Variants in BAALC observed in about 807,000 individuals in gnomAD.
BAALC encodes the protein brain and acute leukemia cytoplasmic protein.
Under a neutral mutation model 15.5 loss-of-function variants are expected in BAALC, and 9 were observed. The observed-to-expected ratio is 0.58, with a 90% CI of 0.35 to 1.02. The LOEUF is 1.02. BAALC is among the 50% of genes least tolerant of loss of function. BAALC has a pLI of 0.02. For synonymous variants in BAALC, 80 were observed against 74.6 expected (o/e 1.07, Z -0.37); for missense variants, 201 against 192.4 (o/e 1.04, Z -0.27).
At chr8:103,223,755 AGAGCTTTG>A (rs1406850940) in intron 2 of BAALC, among the ~76,000 whole-genome samples, 1 of 152,238 alleles carries the variant, frequency 6.6e-6, no homozygotes, top group Non-Finnish European at 1.5e-5. Flanking sequence ...ACTGAAATAA[AGAGCTTTG>A]TATCATCTGT....
At chr8:103,163,320 T>G (rs1323985194) in intron 1 of BAALC, among the ~76,000 whole-genome samples, 3 of 152,162 alleles carry the variant, frequency 2.0e-5, no homozygotes, top group Non-Finnish European at 4.4e-5. Flanking sequence ...ACTCACCTGC[T>G]GCTGACGTTA....
intron 1 of BAALC, among the ~76,000 whole-genome samples, chr8:103,191,728 T>C (rs1811971910): frequency 6.6e-6 from 1 of 151,996 alleles, no homozygotes; most frequent in Non-Finnish European, 1.5e-5. Context: ...TCCATAAATA[T>C]CAAGAACAGG....
Position 103,140,957 on chromosome 8 carries a change from C to A in BAALC, c.60C>A (p.Thr20=), listed in dbSNP as rs1810756504. The A allele has an allele frequency of 6.5e-7, 1 of 1,541,662 alleles. No individual in the cohort carries two copies. Residue 20 remains threonine (T), a synonymous_variant, in exon 1 of 3, where the codon ACC becomes ACA. Coordinates refer to ENST00000309982, the MANE Select transcript of BAALC (RefSeq NM_024812.3). The surrounding 1 kb of genome is among the most constrained non-coding windows in gnomAD (Gnocchi z 4.2). ...AGCCCCGCTACTACGAGAGCTGGAC[C>A]CGGGAGACAGAATCCACCTGGCTCA... The part of the protein sequence containing the change: ...AIEPRYYESW[T]RETESTWLTY...
chr8:103,170,284 A>T (rs1811450956), intron 1 of BAALC, among the ~76,000 whole-genome samples: 1 of 151,048 alleles, frequency 6.6e-6, no homozygotes, highest in Non-Finnish European at 1.5e-5. Context: ...AATGGACTTC[A>T]TGGTTCTGTT....
chr8:103,195,577 C>T (rs368383692), intron 1 of BAALC, among the ~76,000 whole-genome samples: 9 of 152,176 alleles, frequency 5.9e-5, no homozygotes, highest in Admixed American at 3.3e-4. Context: ...GAGTGGCTGG[C>T]ACCCTATGAC....
chr8:103,207,879 G>T (rs1205227123), intron 1 of BAALC, among the ~76,000 whole-genome samples: 2 of 152,204 alleles, frequency 1.3e-5, no homozygotes, highest in Non-Finnish European at 2.9e-5. Context: ...TAGAAAATAT[G>T]AGTTAAATAA....
At chr8:103,141,119 C>G (rs1810764944) in intron 1 of BAALC, 62 bp downstream of exon 1, 4 of 1,375,492 alleles carry the variant, frequency 2.9e-6, no homozygotes, top group Non-Finnish European at 3.8e-6. Flanking sequence ...TTGGCCCGGG[C>G]ACTGAGAGAG....
Position 103,186,954 on chromosome 8 carries a change from T to A in BAALC, c.161-25965T>A, listed in dbSNP as rs570082344. Among the ~76,000 whole-genome samples the A allele has an allele frequency of 7.2e-5, 11 of 152,364 alleles. No homozygotes were observed. The East Asian group carries it at 2.1e-3, about 29-fold the overall frequency. On this transcript the variant is annotated intron_variant, in intron 1 of 2. Transcript: ENST00000309982. ...CTCAGAGAGCTATTTCACTGTTTCATGCCACTACTTGTTCTCTCAGGACCT... is the reference window on the plus strand; with the variant it reads ...CTCAGAGAGCTATTTCACTGTTTCAAGCCACTACTTGTTCTCTCAGGACCT...
intron 1 of BAALC, among the ~76,000 whole-genome samples, chr8:103,150,158 G>T (rs1387517503): frequency 6.6e-6 from 1 of 152,034 alleles, no homozygotes; most frequent in Non-Finnish European, 1.5e-5. Flanking sequence ...AAAACCATCG[G>T]ATCTCATGAG....
intron 2 of BAALC, among the ~76,000 whole-genome samples, chr8:103,221,959 G>A (rs893410691): frequency 2.0e-5 from 3 of 152,176 alleles, no homozygotes; most frequent in African/African-American, 4.8e-5. Flanking sequence ...TGAGACATCA[G>A]TCAAATACAT....
chr8:103,143,553 C>A (rs1391171228), intron 1 of BAALC, among the ~76,000 whole-genome samples: 1 of 152,208 alleles, frequency 6.6e-6, no homozygotes, highest in Non-Finnish European at 1.5e-5. Context: ...AAGTCAGCCA[C>A]GTGAGTCAAA....
chr8:103,206,151 T>C (rs1283343663), intron 1 of BAALC, among the ~76,000 whole-genome samples: 1 of 152,214 alleles, frequency 6.6e-6, no homozygotes, highest in Non-Finnish European at 1.5e-5. Context: ...ATAGCCTCCA[T>C]GCCTCAACCT....
intron 1 of BAALC, chr8:103,198,293 T>G (rs1812139870): frequency 3.7e-6 from 2 of 541,308 alleles, no homozygotes; most frequent in Admixed American, 3.6e-5. Context: ...AAATGTGATA[T>G]AATAACTAAA....
intron 1 of BAALC, chr8:103,208,515 G>A (rs1416173826): frequency 6.6e-6 from 1 of 152,258 alleles, no homozygotes; most frequent in African/African-American, 2.4e-5. Flanking sequence ...TTATGGGTTG[G>A]CAGGGATAGC....
chr8:103,154,107 A>G (rs1811037328), intron 1 of BAALC, among the ~76,000 whole-genome samples: 1 of 152,216 alleles, frequency 6.6e-6, no homozygotes, highest in Admixed American at 6.5e-5. Flanking sequence ...GTGATAAGTG[A>G]TGATGTACAA....
intron 1 of BAALC, among the ~76,000 whole-genome samples, chr8:103,175,872 A>G (rs1033849896): frequency 2.6e-5 from 4 of 152,230 alleles, no homozygotes; most frequent in African/African-American, 9.6e-5. Context: ...TTTACATAGT[A>G]TCCTCTCAAT....
At chr8:103,218,083 A>T (rs991361882) in intron 2 of BAALC, among the ~76,000 whole-genome samples, 2 of 152,188 alleles carry the variant, frequency 1.3e-5, no homozygotes, top group African/African-American at 4.8e-5. Flanking sequence ...ACTGCTTTCC[A>T]AAGGGTGATG....
chr8:103,217,771 G>GT (rs1431889377), intron 2 of BAALC, among the ~76,000 whole-genome samples: 2 of 152,130 alleles, frequency 1.3e-5, no homozygotes, highest in African/African-American at 2.4e-5. Flanking sequence ...CAATCCTTGC[G>GT]AGGCCTGGAA....
rs570641228 is a variant in BAALC, at chr8:103,191,260, G to A, written c.161-21659G>A. On this transcript the variant is annotated intron_variant, in intron 1 of 2. Coordinates refer to ENST00000309982, the MANE Select transcript of BAALC (RefSeq NM_024812.3). The stretch of plus-strand genomic sequence containing the variant: ...AGAGGAATATCTTAGAACAAAGAGT[G>A]GGGAACCACTTCTTAGGCTGACCAC... 2.0e-5 allele frequency: 3 copies of A among 152,160 alleles called. No homozygotes were observed. The South Asian group carries it at 6.2e-4, about 32-fold the overall frequency. 9.4% of individuals were successfully genotyped at this position (152,160 alleles called of 1,614,324 possible).
Sources: gnomAD v4.1 joint callset for allele counts (sites outside exome capture counted in the v4.1 genomes callset) on GRCh38, gnomAD v4.1.1 for gene constraint, Gnocchi (gnomAD v3.1) non-coding constraint, MANE v1.5 for transcripts, NCBI Gene and HGNC (gene_info 2026-07-23, HGNC 2026-07-21) for gene names.